Variants in GSN observed in about 807,000 individuals in gnomAD.
The protein encoded by GSN is gelsolin, also known as actin-depolymerizing factor.
Under a neutral mutation model 85.7 loss-of-function variants are expected in GSN, and 56 were observed. The ratio of observed to expected loss-of-function variants is 0.65; its 90% CI spans 0.53 to 0.82. The LOEUF (loss-of-function observed/expected upper bound fraction) is 0.82, where lower values mean the gene tolerates loss of function less well. Ranked by LOEUF, GSN falls within the 40% of genes least tolerant of loss-of-function variation. The pLI is 0.00. For missense variants in GSN, 857 were observed against 979.8 expected, an observed-to-expected ratio of 0.87 and a Z score of 1.67; for synonymous variants, 373 against 399.1, an observed-to-expected ratio of 0.93 and a Z score of 0.78.
rs376801564 is a variant in GSN at position 121,332,631 on chromosome 9, G to A, written c.*28G>A. Reference sequence around the variant, plus strand: ...AGGGGCAGGGCCCACCCATGTCACCGGTCAGTGCCTTTTGGAACTGTCCTT... The same window carrying A: ...AGGGGCAGGGCCCACCCATGTCACCAGTCAGTGCCTTTTGGAACTGTCCTT... On this transcript the variant is annotated 3_prime_UTR_variant, in exon 18 of 18. Transcript: ENST00000432226. This position sits in a 1 kb window ranked among gnomAD's most constrained non-coding sequence, Gnocchi z 4.8. 38 of 1,593,592 alleles carry A rather than the reference G, an allele frequency of 2.4e-5. No homozygotes were observed. The highest frequency in any genetic ancestry group is 6.9e-5 in the Admixed American group (4 of 58,358).
At chr9:121,267,798 C>CG (rs1044063605), upstream of GSN, among the ~76,000 whole-genome samples, 38 of 152,138 alleles carry the variant, frequency 2.5e-4, no homozygotes, top group Non-Finnish European at 1.6e-4. Flanking sequence ...AATCTGCCTC[C>CG]GCTGGTGCTA....
intron 5 of GSN, among the ~76,000 whole-genome samples, chr9:121,244,078 T>A (rs1371977894): frequency 6.6e-6 from 1 of 152,254 alleles, no homozygotes; most frequent in Non-Finnish European, 1.5e-5. Flanking sequence ...TTTGAGAATG[T>A]ATAAATGGAA....
intron 4 of GSN, among the ~76,000 whole-genome samples, chr9:121,219,628 C>T (rs1475939187): frequency 1.3e-5 from 2 of 152,156 alleles, no homozygotes; most frequent in African/African-American, 4.8e-5. Context: ...ACTTAGGTCT[C>T]ACCTAGGACC....
chr9:121,324,494 C>T, intron 11 of GSN, 60 bp from the exon 12 acceptor site: 1 of 855,194 alleles, frequency 1.2e-6, no homozygotes, highest in Non-Finnish European at 1.9e-6. Context: ...AGACTCAGGG[C>T]AAGGGAGAGG....
chr9:121,286,816 TCAGA>T, intron 2 of GSN: 1 of 1,397,200 alleles, frequency 7.2e-7, no homozygotes, highest in Non-Finnish European at 9.8e-7. Context: ...GACTTCAGAG[TCAGA>T]CAGCCCTGAA....
At chr9:121,223,078 G>A (rs899276293) in intron 4 of GSN, 1 of 152,070 alleles carries the variant, frequency 6.6e-6, no homozygotes, top group African/African-American at 2.4e-5. Context: ...TACCAGTCCG[G>A]CGTTCCTACA....
At chr9:121,212,791 G>C (rs147514067) in intron 4 of GSN, among the ~76,000 whole-genome samples, 3,366 of 151,624 alleles carry the variant, frequency 0.022, 114 homozygotes, top group African/African-American at 0.077. Flanking sequence ...CTACAGGTGC[G>C]CACCACCACG....
At chr9:121,324,771 A>G (rs1017174361) in intron 12 of GSN, 127 bp downstream of exon 12, 15 of 674,008 alleles carry the variant, frequency 2.2e-5, no homozygotes, top group South Asian at 4.6e-5. Flanking sequence ...CCATCCATCC[A>G]TCCATCCATC....
chr9:121,329,445 G>A lies in GSN; in HGVS notation c.1965+130G>A, dbSNP rs1589249241. 1 of 708,294 alleles carries A rather than the reference G, an allele frequency of 1.4e-6. No individual in the cohort carries two copies. The highest frequency in any genetic ancestry group is 2.6e-6 in the Non-Finnish European group (1 of 385,602). 43.9% of individuals were successfully genotyped at this position (708,294 alleles called of 1,614,324 possible). A position where few individuals can be genotyped will look rare whatever the true frequency, so the allele number is the denominator to read the frequency against. ...AGGTGTTGCCAGAAAAGTCTCTAAGGGTACTGGAAGTCACTTCTTCTTTCT... is the reference window on the plus strand; with the variant it reads ...AGGTGTTGCCAGAAAAGTCTCTAAGAGTACTGGAAGTCACTTCTTCTTTCT... On this transcript the variant is annotated intron_variant, in intron 16 of 17. Coordinates refer to ENST00000432226, the MANE Select transcript of GSN (RefSeq NM_198252.3). The surrounding 1 kb of genome is among the most constrained non-coding windows in gnomAD (Gnocchi z 4.6).
At chr9:121,272,699 A>G (rs981965660) in intron 1 of GSN, among the ~76,000 whole-genome samples, 3 of 152,230 alleles carry the variant, frequency 2.0e-5, no homozygotes, top group African/African-American at 7.2e-5. Flanking sequence ...TAACACACTT[A>G]CTATGTATGT....
At chr9:121,307,948 G>A (rs2060601947) in intron 4 of GSN, among the ~76,000 whole-genome samples, 1 of 152,238 alleles carries the variant, frequency 6.6e-6, no homozygotes, top group Admixed American at 6.5e-5. Flanking sequence ...CGGCCATCCA[G>A]CCTTCGGACC....
Position 121,232,050 on chromosome 9 carries a change from G to A in GSN, c.-389+747G>A, listed in dbSNP as rs141603224. Among the ~76,000 whole-genome samples, 1,226 of 152,338 alleles carry A rather than the reference G, an allele frequency of 8.0e-3. 8 individuals are homozygous for A. The highest frequency in any genetic ancestry group is 0.013 in the Non-Finnish European group (871 of 68,034). On this transcript the variant is annotated intron_variant, in intron 5 of 24. Transcript: ENST00000373823. ...CCACTGCACTCCAGCCTGGGTGACAGAGCGAGACTCTGTCTCAAATATATA... is the reference window on the plus strand; with the variant it reads ...CCACTGCACTCCAGCCTGGGTGACAAAGCGAGACTCTGTCTCAAATATATA...
At chr9:121,277,329 G>T (rs1280477888) in intron 1 of GSN, among the ~76,000 whole-genome samples, 1 of 152,180 alleles carries the variant, frequency 6.6e-6, no homozygotes, top group Non-Finnish European at 1.5e-5. Flanking sequence ...TTCTAAGATC[G>T]CCTGGGGCTT....
At chr9:121,307,408 T>C (rs1425186250) in intron 4 of GSN, among the ~76,000 whole-genome samples, 1 of 152,208 alleles carries the variant, frequency 6.6e-6, no homozygotes, top group African/African-American at 2.4e-5. Context: ...TTCTAGCACC[T>C]TTTGGAAAAG....
chr9:121,319,574 C>T (rs148243967), intron 10 of GSN, among the ~76,000 whole-genome samples: 9 of 151,692 alleles, frequency 5.9e-5, no homozygotes, highest in African/African-American at 1.2e-4. Flanking sequence ...CCTCCTGCCT[C>T]GGCCCCCCAA....
intron 2 of GSN, among the ~76,000 whole-genome samples, chr9:121,293,697 C>CAA (rs55953322): frequency 3.7e-5 from 4 of 108,802 alleles, no homozygotes; most frequent in African/African-American, 1.6e-4. Flanking sequence ...GACCCCATCT[C>CAA]AAAAAAAAAA....
rs1043352375 is a variant in GSN at position 121,287,215 on chromosome 9, C to G, written c.-10+5653C>G. Among the ~76,000 whole-genome samples, 52 of 152,176 alleles carry G rather than the reference C, an allele frequency of 3.4e-4. 1 individual carries two copies. Among genetic ancestry groups the G allele is most frequent in the African/African-American group, 1.0e-3 (42 of 41,540 alleles). Reference sequence around the variant, plus strand: ...CTGTGGGGCCTCTGGGTGACTCAGCCCTGAGTCACCGGGAGGCTGAGGACA... The same window carrying G: ...CTGTGGGGCCTCTGGGTGACTCAGCGCTGAGTCACCGGGAGGCTGAGGACA... On this transcript the variant is annotated intron_variant, in intron 2 of 17. Coordinates refer to ENST00000432226, the MANE Select transcript of GSN (RefSeq NM_198252.3).
chr9:121,311,943 A>G lies in GSN; in HGVS notation c.514-396A>G, dbSNP rs537081244. ...GCACAAGTCTTTTGGTGGACATACG[A>G]ACGTACTTCTGTCAGGTATTTTCCT... is the stretch of plus-strand genomic sequence containing the variant. On this transcript the variant is annotated intron_variant, in intron 5 of 17. Transcript: ENST00000432226. 1.3e-5 allele frequency: 3 copies of G among 235,650 alleles called. No individual in the cohort carries two copies. In the East Asian group the frequency reaches 3.6e-4, roughly 29 times the overall value. The allele number at this position is 235,650 out of a possible 1,614,324, so 14.6% of individuals were successfully genotyped here. A position where few individuals can be genotyped will look rare whatever the true frequency, so the allele number is the denominator to read the frequency against.
Position 121,299,391 on chromosome 9 carries a change from C to T in GSN, c.-9-2572C>T, listed in dbSNP as rs1000276808. On this transcript the variant is annotated intron_variant, in intron 2 of 17. Coordinates refer to ENST00000432226, the MANE Select transcript of GSN (RefSeq NM_198252.3). This position sits in a 1 kb window ranked among gnomAD's most constrained non-coding sequence, Gnocchi z 4.2. ...TTTACAAGCTGTGTGCAAGTTGCTT[C>T]ACCACTCTGCGCTGTTCCCCCCTCT... 4.3e-5 allele frequency: 42 copies of T among 972,858 alleles called. No individual in the cohort carries two copies. Among genetic ancestry groups the T allele is most frequent in the African/African-American group, 1.8e-5 (1 of 57,010 alleles). 60.3% of individuals were successfully genotyped at this position (972,858 alleles called of 1,614,324 possible).
Sources: gnomAD v4.1 joint callset for allele counts (sites outside exome capture counted in the v4.1 genomes callset) on GRCh38, gnomAD v4.1.1 for gene constraint, Gnocchi (gnomAD v3.1) non-coding constraint, MANE v1.5 for transcripts, NCBI Gene and HGNC (gene_info 2026-07-23, HGNC 2026-07-21) for gene names.